The following CARD19 variants were observed in gnomAD, a reference collection of about 807,000 sequenced individuals.
CARD19 encodes the protein caspase recruitment domain family member 19.
A neutral mutation model predicts 24.1 loss-of-function variants in CARD19; 25 were observed. That is an observed-to-expected ratio of 1.04 (90% confidence interval 0.76 to 1.45). The LOEUF is 1.45. Ranked by LOEUF, CARD19 falls within the 40% of genes most tolerant of loss-of-function variation. The probability of loss-of-function intolerance (pLI) is 0.00; values close to 1 mark genes in which losing one functional copy is unlikely to be tolerated. For synonymous variants in CARD19, 103 were observed against 104.9 expected (o/e 0.98, Z 0.11); for missense variants, 241 against 247.4 (o/e 0.97, Z 0.17).
intron 3 of CARD19, chr9:93,111,672 G>T: frequency 7.2e-7 from 1 of 1,383,444 alleles, no homozygotes; most frequent in Non-Finnish European, 9.3e-7. Flanking sequence ...TGGCTCCCGG[G>T]TGCCTTTAGG....
intron 3 of CARD19, chr9:93,111,270 C>G: frequency 1.7e-6 from 2 of 1,158,476 alleles, no homozygotes; most frequent in African/African-American, 1.6e-5. Context: ...GACTCAGGCC[C>G]TGGGAGTCAT....
At chr9:93,108,549 C>A (rs1293124796) in intron 2 of CARD19, among the ~76,000 whole-genome samples, 1 of 152,152 alleles carries the variant, frequency 6.6e-6, no homozygotes, top group South Asian at 2.1e-4. Flanking sequence ...TGAGCTGAGC[C>A]GGGTAAACGC....
At chr9:93,112,075 ACC>A (rs3216060) in intron 4 of CARD19, 137 bp downstream of exon 4, 145 of 1,217,008 alleles carry the variant, frequency 1.2e-4, no homozygotes, top group Middle Eastern at 2.7e-4. Flanking sequence ...TTGGTGACAG[ACC>A]CCCCCCCTAA....
At chr9:93,099,438 A>T (rs1826998357) in intron 1 of CARD19, among the ~76,000 whole-genome samples, 1 of 152,154 alleles carries the variant, frequency 6.6e-6, no homozygotes. Context: ...CTGTCACTTC[A>T]TATCTGGTTG....
At chr9:93,098,044 G>A (rs1463232277) in intron 1 of CARD19, among the ~76,000 whole-genome samples, 1 of 152,268 alleles carries the variant, frequency 6.6e-6, no homozygotes, top group African/African-American at 2.4e-5. Context: ...CCCTCGCTGT[G>A]AGCAGCGCAT....
At chr9:93,103,528 T>C (rs541568397) in intron 1 of CARD19, among the ~76,000 whole-genome samples, 35 of 152,370 alleles carry the variant, frequency 2.3e-4, no homozygotes, top group East Asian at 3.9e-4. Context: ...CCAAATATTT[T>C]ATATCTGCTG....
At chr9:93,110,768 A>G in intron 3 of CARD19, 47 bp downstream of exon 3, 1 of 1,574,230 alleles carries the variant, frequency 6.4e-7, no homozygotes. Flanking sequence ...TGGCCCGGGG[A>G]GGGCACCCCA....
At chr9:93,097,126 A>T (rs1030088867) in intron 1 of CARD19, among the ~76,000 whole-genome samples, 1 of 151,982 alleles carries the variant, frequency 6.6e-6, no homozygotes, top group Non-Finnish European at 1.5e-5. Context: ...CTGGTAAGGG[A>T]CCCCATGGCA....
At chr9:93,111,129 C>A (rs1415879754) in intron 3 of CARD19, 2 of 1,239,292 alleles carry the variant, frequency 1.6e-6, no homozygotes, top group Non-Finnish European at 2.1e-6. Flanking sequence ...AATTACCCAA[C>A]CCCATGACGG....
In CARD19 at chr9:93,110,664, G is replaced by C; in HGVS notation, c.247G>C (p.Ala83Pro). 1.2e-6 allele frequency: 2 copies of C among 1,613,594 alleles called. No individual in the cohort carries two copies. The highest frequency in any genetic ancestry group is 1.7e-6 in the Non-Finnish European group (2 of 1,180,020). Residue 83 changes from alanine (A) to proline (P), a missense_variant, in exon 3 of 6, where the codon GCC becomes CCC. Ala to Pro is a conservative substitution (Grantham distance 27). Coordinates refer to ENST00000375464, the MANE Select transcript of CARD19 (RefSeq NM_032310.5). Reference sequence around the variant, plus strand: ...GCGGGACTGCCAGGAGTTCTACCGAGCCCTGTATATCCATGCCCAGCCCCT... The same window carrying C: ...GCGGGACTGCCAGGAGTTCTACCGACCCCTGTATATCCATGCCCAGCCCCT... ...GERDCQEFYR[A>P]LYIHAQPLHS...
chr9:93,108,571 C>A (rs1481056232), intron 2 of CARD19, among the ~76,000 whole-genome samples: 1 of 152,132 alleles, frequency 6.6e-6, no homozygotes, highest in East Asian at 1.9e-4. Flanking sequence ...TGCCCGAGAG[C>A]CCTTGTCGCC....
At chr9:93,106,394 T>C (rs1827254037) in intron 1 of CARD19, among the ~76,000 whole-genome samples, 1 of 122,728 alleles carries the variant, frequency 8.1e-6, no homozygotes, top group South Asian at 2.6e-4. Context: ...CTGGCCAACA[T>C]GGTGAAACCC....
rs766616970 is a variant in CARD19, at chr9:93,110,549, C to T, written c.151-19C>T. On this transcript the variant is annotated intron_variant, in intron 2 of 5. Coordinates refer to ENST00000375464, the MANE Select transcript of CARD19 (RefSeq NM_032310.5). ...GCCCCCCTGGCCTGATCTTCCCTGGCACCCCCTTGTACCCTCAGTTCCGGA... is the reference window on the plus strand; with the variant it reads ...GCCCCCCTGGCCTGATCTTCCCTGGTACCCCCTTGTACCCTCAGTTCCGGA... 1.5e-5 allele frequency: 23 copies of T among 1,571,558 alleles called. No homozygotes were observed. Among genetic ancestry groups the T allele is most frequent in the Non-Finnish European group, 1.8e-5 (21 of 1,153,962 alleles).
At position 93,111,953 on chromosome 9, in the gene CARD19, C is replaced by A; in HGVS notation, c.364+15C>A. 6.2e-7 allele frequency: 1 copy of A among 1,607,244 alleles called. No individual in the cohort carries two copies. The highest frequency in any genetic ancestry group is 8.5e-7 in the Non-Finnish European group (1 of 1,177,744). The stretch of plus-strand genomic sequence containing the variant: ...GAGTAACAGGGGTAACACCTCCCTG[C>A]TGCCCCTCCCTCTCTCTCCCTCTCT... On this transcript the variant is annotated intron_variant, in intron 4 of 5. Transcript: ENST00000375464.
intron 1 of CARD19, among the ~76,000 whole-genome samples, chr9:93,105,187 T>C (rs1827209510): frequency 3.3e-5 from 2 of 60,840 alleles, no homozygotes; most frequent in African/African-American, 1.2e-4. Context: ...TGCACGCGCG[T>C]GTGTGTGTGC....
intron 4 of CARD19, 67 bp downstream of exon 4, chr9:93,112,005 G>A (rs1255970504): frequency 3.2e-6 from 5 of 1,550,522 alleles, no homozygotes; most frequent in South Asian, 1.2e-5. Flanking sequence ...CCTCCCCAGG[G>A]CTCCATCTCC....
At chr9:93,109,471 C>T (rs1587649274) in intron 2 of CARD19, among the ~76,000 whole-genome samples, 1 of 148,556 alleles carries the variant, frequency 6.7e-6, no homozygotes, top group Non-Finnish European at 1.5e-5. Flanking sequence ...ATACTTCTGT[C>T]TTTTTTTTTT....
rs765062266 is a variant in CARD19, at chr9:93,110,647, G to T, written c.230G>T (p.Cys77Phe). The change falls in exon 3 of 6, where the codon TGC becomes TTC. Residue 77 changes from cysteine to phenylalanine, a missense_variant. Transcript: ENST00000375464. ...CTGCAGCGGAGCGGTGAGCGGGACTGCCAGGAGTTCTACCGAGCCCTGTAT... is the reference window on the plus strand; with the variant it reads ...CTGCAGCGGAGCGGTGAGCGGGACTTCCAGGAGTTCTACCGAGCCCTGTAT... ...SHLQRSGERD[C>F]QEFYRALYIH... is the part of the protein sequence containing the mutation. 1 of 1,613,738 alleles carries T rather than the reference G, an allele frequency of 6.2e-7. No homozygotes were observed. The highest frequency in any genetic ancestry group is 1.1e-5 in the South Asian group (1 of 91,086).
At position 93,096,608 on chromosome 9, in the gene CARD19, C is replaced by T. The variant is rs1261927223; in HGVS notation, c.7+256C>T. ...ATGGGTGGTGGCCAGGTGCGGGGCC[C>T]GAAGAGGGCGGGGGCTACAAGGCAG... On this transcript the variant is annotated intron_variant, in intron 1 of 5. Transcript: ENST00000375464. The surrounding 1 kb of genome is among the most constrained non-coding windows in gnomAD (Gnocchi z 5.4). 1.3e-5 allele frequency among the ~76,000 whole-genome samples: 2 copies of T among 152,072 alleles called. No individual in the cohort carries two copies. Among genetic ancestry groups the T allele is most frequent in the Non-Finnish European group, 2.9e-5 (2 of 67,996 alleles).
Sources: gnomAD v4.1 joint callset for allele counts (sites outside exome capture counted in the v4.1 genomes callset) on GRCh38, gnomAD v4.1.1 for gene constraint, Gnocchi (gnomAD v3.1) non-coding constraint, MANE v1.5 for transcripts, NCBI Gene and HGNC (gene_info 2026-07-23, HGNC 2026-07-21) for gene names.